Variants in XYLT1 observed in about 807,000 individuals in gnomAD.
XYLT1 encodes xylosyltransferase 1, also known as beta-D-xylosyltransferase 1.
A neutral mutation model predicts 91.3 loss-of-function variants in XYLT1; 36 were observed. The ratio of observed to expected loss-of-function variants is 0.39; its 90% CI spans 0.30 to 0.52. The LOEUF (loss-of-function observed/expected upper bound fraction) is 0.52, where lower values mean the gene tolerates loss of function less well. Among genes scored for constraint, XYLT1 ranks in the 20% least tolerant of loss-of-function variants. XYLT1 has a pLI of 0.68. For synonymous variants in XYLT1, 588 were observed against 532.0 expected (o/e 1.11, Z -1.45); for missense variants, 1,242 against 1,284.5 (o/e 0.97, Z 0.51).
At chr16:17,338,971 C>A (rs965041010) in intron 2 of XYLT1, among the ~76,000 whole-genome samples, 1 of 152,104 alleles carries the variant, frequency 6.6e-6, no homozygotes, top group African/African-American at 2.4e-5. Context: ...GATAACACTC[C>A]GCAAGGGAGA....
At chr16:17,184,047 T>A (rs1457901703) in intron 5 of XYLT1, among the ~76,000 whole-genome samples, 1 of 152,048 alleles carries the variant, frequency 6.6e-6, no homozygotes, top group African/African-American at 2.4e-5. Flanking sequence ...GGAAGAATAA[T>A]AGACTCTACA....
chr16:17,454,199 G>C (rs928915948), intron 1 of XYLT1, among the ~76,000 whole-genome samples: 1 of 152,204 alleles, frequency 6.6e-6, no homozygotes, highest in Non-Finnish European at 1.5e-5. Context: ...GCATATGTTT[G>C]CCGAAAGAGA....
chr16:17,223,243 C>T (rs930333592), intron 3 of XYLT1, among the ~76,000 whole-genome samples: 3 of 152,184 alleles, frequency 2.0e-5, no homozygotes, highest in Non-Finnish European at 4.4e-5. Context: ...GATGTGTTCC[C>T]AGCATTGGGG....
rs1044781776 is a variant in XYLT1, at chr16:17,106,431, G to A, written c.*2264C>T. 1.3e-5 allele frequency: 2 copies of A among 152,184 alleles called. No homozygotes were observed. Among genetic ancestry groups the A allele is most frequent in the African/African-American group, 4.8e-5 (2 of 41,438 alleles). 9.4% of individuals were successfully genotyped at this position (152,184 alleles called of 1,614,324 possible). A position where few individuals can be genotyped will look rare whatever the true frequency, so the allele number is the denominator to read the frequency against. ...GTAAAAGAGATCATAGGGGCTTTCT[G>A]AGAAAAGTACCCTGAGATCCCTGGA... On this transcript the variant is annotated 3_prime_UTR_variant, in exon 12 of 12. Coordinates refer to ENST00000261381, the MANE Select transcript of XYLT1 (RefSeq NM_022166.4).
intron 2 of XYLT1, among the ~76,000 whole-genome samples, chr16:17,356,020 A>C (rs1029868291): frequency 1.3e-5 from 2 of 151,990 alleles, no homozygotes; most frequent in Non-Finnish European, 2.9e-5. Flanking sequence ...GCCCAGGACC[A>C]GATAATTCTT....
At chr16:17,254,252 T>C (rs2033593990) in intron 3 of XYLT1, among the ~76,000 whole-genome samples, 1 of 152,150 alleles carries the variant, frequency 6.6e-6, no homozygotes, top group South Asian at 2.1e-4. Flanking sequence ...TCCTCCTTCT[T>C]CTCCTCCTTT....
rs1480009597 is a variant in XYLT1 at position 17,110,852 on chromosome 16, C to T, written c.2558-1835G>A. ...AGGCCATCACCAAGGTCTGATTTTT[C>T]ACTCATGCAAAAATTCAAACAATTG... On this transcript the variant is annotated intron_variant, in intron 11 of 11. Transcript: ENST00000261381. Among the ~76,000 whole-genome samples the T allele has an allele frequency of 2.0e-5, 3 of 152,104 alleles. No homozygotes were observed. In the East Asian group the frequency reaches 5.8e-4, roughly 29 times the overall value.
At chr16:17,289,514 A>C (rs1292812947) in intron 2 of XYLT1, among the ~76,000 whole-genome samples, 1 of 152,114 alleles carries the variant, frequency 6.6e-6, no homozygotes. Context: ...TGATTTCATA[A>C]ATCTATGTCA....
chr16:17,319,649 C>T (rs745874267), intron 2 of XYLT1, among the ~76,000 whole-genome samples: 9 of 152,086 alleles, frequency 5.9e-5, no homozygotes, highest in Non-Finnish European at 7.4e-5. Flanking sequence ...CCATATTGGC[C>T]AGGCTGGTCT....
At chr16:17,279,335 AC>A (rs773418412) in intron 2 of XYLT1, among the ~76,000 whole-genome samples, 1 of 152,196 alleles carries the variant, frequency 6.6e-6, no homozygotes, top group Non-Finnish European at 1.5e-5. Flanking sequence ...GGCCTGGAAC[AC>A]AAATTGTAGC....
chr16:17,385,536 C>T (rs2035738723), intron 1 of XYLT1, among the ~76,000 whole-genome samples: 1 of 151,844 alleles, frequency 6.6e-6, no homozygotes, highest in African/African-American at 2.4e-5. Context: ...TGACACAATA[C>T]ACGGTATTCT....
chr16:17,184,506 G>A (rs890222833), intron 5 of XYLT1, among the ~76,000 whole-genome samples: 1 of 151,302 alleles, frequency 6.6e-6, no homozygotes, highest in Admixed American at 6.6e-5. Context: ...GTACCCCATG[G>A]CATCGATGTA....
intron 2 of XYLT1, among the ~76,000 whole-genome samples, chr16:17,268,749 C>A (rs9924444): frequency 6.6e-6 from 1 of 150,484 alleles, no homozygotes; most frequent in Non-Finnish European, 1.5e-5. Flanking sequence ...CTCGGCTCAC[C>A]GCAACCTCCG....
intron 1 of XYLT1, among the ~76,000 whole-genome samples, chr16:17,456,406 C>T (rs569213254): frequency 1.7e-3 from 247 of 147,644 alleles, no homozygotes; most frequent in African/African-American, 5.2e-3. Context: ...GGTGCGATCA[C>T]GGCTCACAGC....
At chr16:17,215,066 T>C (rs1249491092) in intron 3 of XYLT1, among the ~76,000 whole-genome samples, 3 of 152,098 alleles carry the variant, frequency 2.0e-5, no homozygotes, top group Admixed American at 2.0e-4. Flanking sequence ...TAAAGTTAAA[T>C]GAAGTTGGGC....
At position 17,200,625 on chromosome 16, in the gene XYLT1, C is replaced by T. The variant is rs1421269660; in HGVS notation, c.943G>A (p.Glu315Lys). ...GKANKNVQWD[E>K]DSVEYMPANP... ...GCTGGCATGTACTCCACGGAGTCCT[C>T]GTCCCACTGCACGTTCTTGTTGGCT... Residue 315 changes from glutamate to lysine, a missense_variant, in exon 4 of 12, where the codon GAG (glutamate) becomes AAG (lysine). By Grantham distance (56) the Glu-to-Lys change is moderately conservative. Around this residue, in one of 3 missense-constraint regions of XYLT1, gnomAD observed 294 missense variants for 376.0 expected, o/e 0.78. Transcript: ENST00000261381. The T allele has an allele frequency of 3.1e-6, 5 of 1,613,878 alleles. No individual in the cohort carries two copies. Among genetic ancestry groups the T allele is most frequent in the Non-Finnish European group, 4.2e-6 (5 of 1,179,914 alleles).
At chr16:17,411,481 C>T (rs2036107115) in intron 1 of XYLT1, among the ~76,000 whole-genome samples, 1 of 152,178 alleles carries the variant, frequency 6.6e-6, no homozygotes, top group Non-Finnish European at 1.5e-5. Flanking sequence ...AAAAAAATTG[C>T]TTAGACGGTA....
rs1300435783 is a variant in XYLT1, at chr16:17,102,257, CAGAAG to C, written c.*6433_*6437del. ...CATCCTATCTTCACCATGCAGATGA[CAGAAG>C]AGAATATGAGATTGTGTAAAGATGC... On this transcript the variant is annotated 3_prime_UTR_variant, in exon 12 of 12. Coordinates refer to ENST00000261381, the MANE Select transcript of XYLT1 (RefSeq NM_022166.4). The C allele has an allele frequency of 1.3e-5, 2 of 152,472 alleles. No individual in the cohort carries two copies. Among genetic ancestry groups the C allele is most frequent in the Non-Finnish European group, 2.9e-5 (2 of 68,028 alleles). The allele number at this position is 152,472 out of a possible 1,614,324, so 9.4% of individuals were successfully genotyped here.
At chr16:17,226,134 A>G (rs2033061970) in intron 3 of XYLT1, among the ~76,000 whole-genome samples, 1 of 152,174 alleles carries the variant, frequency 6.6e-6, no homozygotes, top group South Asian at 2.1e-4. Flanking sequence ...AAGTCCCAAG[A>G]TTTAGTAGAA....
Sources: gnomAD v4.1 joint callset for allele counts (sites outside exome capture counted in the v4.1 genomes callset) on GRCh38, gnomAD v4.1.1 for gene constraint, gnomAD v4.1.1 regional missense constraint, MANE v1.5 for transcripts, NCBI Gene and HGNC (gene_info 2026-07-23, HGNC 2026-07-21) for gene names.